Variants in NDC1 observed in about 807,000 individuals in gnomAD.
NDC1 encodes the protein NDC1 transmembrane nucleoporin, also known as nucleoporin NDC1.
NDC1 carries 24 observed loss-of-function variants against 89.8 expected under a neutral mutation model. The ratio of observed to expected loss-of-function variants is 0.27; its 90% CI spans 0.19 to 0.38. The LOEUF is 0.38. Among genes scored for constraint, NDC1 ranks in the 10% least tolerant of loss-of-function variants. The pLI, the probability that NDC1 is intolerant of heterozygous loss-of-function variation, is 1.00. For missense variants in NDC1, 728 were observed against 797.6 expected, an observed-to-expected ratio of 0.91 and a Z score of 1.05; for synonymous variants, 296 against 284.8, an observed-to-expected ratio of 1.04 and a Z score of -0.39.
intron 4 of NDC1, among the ~76,000 whole-genome samples, chr1:53,827,428 A>G (rs972687363): frequency 1.3e-5 from 2 of 152,206 alleles, no homozygotes; most frequent in Admixed American, 6.5e-5. Flanking sequence ...GGCACATGCC[A>G]CCACTCCTGG....
intron 4 of NDC1, among the ~76,000 whole-genome samples, chr1:53,827,518 A>G (rs1318223928): frequency 1.3e-5 from 2 of 152,232 alleles, no homozygotes; most frequent in Non-Finnish European, 2.9e-5. Flanking sequence ...CAAGAACTAT[A>G]CAAGTTTCAA....
chr1:53,825,292 A>G (rs543574820), intron 5 of NDC1, among the ~76,000 whole-genome samples: 1 of 152,130 alleles, frequency 6.6e-6, no homozygotes, highest in Non-Finnish European at 1.5e-5. Flanking sequence ...CCTGGCCAAT[A>G]TGGTGAAACC....
intron 6 of NDC1, among the ~76,000 whole-genome samples, chr1:53,810,722 T>C (rs918540237): frequency 2.0e-5 from 3 of 152,074 alleles, no homozygotes; most frequent in East Asian, 1.9e-4. Flanking sequence ...CTGGGCAACA[T>C]AGCAAGACCC....
chr1:53,779,280 C>T (rs779268143), intron 16 of NDC1, among the ~76,000 whole-genome samples: 1 of 152,040 alleles, frequency 6.6e-6, no homozygotes, highest in Non-Finnish European at 1.5e-5. Flanking sequence ...AGGTAGCTAG[C>T]TACCATTATC....
chr1:53,789,107 A>G (rs1647402073), intron 15 of NDC1, 26 bp downstream of exon 15: 1 of 1,446,940 alleles, frequency 6.9e-7, no homozygotes, highest in Admixed American at 1.8e-5. Flanking sequence ...TTAAAATCAT[A>G]GTTACAGTTC....
At chr1:53,836,504 G>C (rs541840883) in intron 1 of NDC1, among the ~76,000 whole-genome samples, 1 of 143,992 alleles carries the variant, frequency 6.9e-6, no homozygotes, top group East Asian at 2.1e-4. Flanking sequence ...CATTCTTTTT[G>C]ATGTTGTGAT....
intron 6 of NDC1, among the ~76,000 whole-genome samples, chr1:53,812,127 T>C (rs912548697): frequency 2.6e-5 from 4 of 152,152 alleles, no homozygotes; most frequent in Non-Finnish European, 4.4e-5. Context: ...GCCCTAGACC[T>C]TCCCTCTGAC....
intron 16 of NDC1, among the ~76,000 whole-genome samples, chr1:53,783,835 C>T (rs374312525): frequency 4.6e-5 from 7 of 152,214 alleles, no homozygotes; most frequent in African/African-American, 1.2e-4. Flanking sequence ...GCCTCTAGGA[C>T]CACGAGCCAA....
intron 2 of NDC1, 78 bp downstream of exon 2, chr1:53,835,422 A>C: frequency 3.3e-6 from 4 of 1,222,106 alleles, no homozygotes; most frequent in Non-Finnish European, 4.6e-6. Flanking sequence ...ATTGAAAATA[A>C]ACTGCTTGAA....
chr1:53,827,306 C>T (rs1198466899), intron 4 of NDC1, among the ~76,000 whole-genome samples: 1 of 151,752 alleles, frequency 6.6e-6, no homozygotes, highest in Non-Finnish European at 1.5e-5. Context: ...CACTATGCTG[C>T]CCAGGCTGGA....
At chr1:53,789,015 A>C (rs1647398851) in intron 15 of NDC1, 118 bp downstream of exon 15, 1 of 677,434 alleles carries the variant, frequency 1.5e-6, no homozygotes, top group African/African-American at 1.9e-5. Flanking sequence ...AAAGATATAA[A>C]AACGAATCTG....
chr1:53,796,078 T>C (rs1647687063), intron 13 of NDC1, among the ~76,000 whole-genome samples: 1 of 152,208 alleles, frequency 6.6e-6, no homozygotes, highest in African/African-American at 2.4e-5. Flanking sequence ...AGGTCTCTGA[T>C]CAATCATTGC....
At chr1:53,825,993 T>A in intron 4 of NDC1, 57 bp from the exon 5 acceptor site, 1 of 1,548,140 alleles carries the variant, frequency 6.5e-7, no homozygotes. Flanking sequence ...ATCACTGTTT[T>A]AGGCTCAATG....
intron 16 of NDC1, among the ~76,000 whole-genome samples, chr1:53,785,010 C>T (rs1647270734): frequency 1.3e-5 from 2 of 151,608 alleles, no homozygotes; most frequent in African/African-American, 4.8e-5. Context: ...TTTCCAGGGT[C>T]TACTGCACTG....
intron 6 of NDC1, among the ~76,000 whole-genome samples, chr1:53,815,513 G>A (rs951990173): frequency 2.0e-5 from 3 of 152,152 alleles, no homozygotes; most frequent in African/African-American, 4.8e-5. Context: ...ATGGGGAAGA[G>A]CTGAAAGCAT....
At chr1:53,798,404 T>C (rs1006282607) in intron 11 of NDC1, among the ~76,000 whole-genome samples, 5 of 151,558 alleles carry the variant, frequency 3.3e-5, no homozygotes, top group African/African-American at 1.2e-4. Flanking sequence ...CCTGACCTCA[T>C]GATCCGCCCA....
intron 5 of NDC1, among the ~76,000 whole-genome samples, chr1:53,823,272 C>A (rs1648735336): frequency 6.6e-6 from 1 of 152,200 alleles, no homozygotes; most frequent in Non-Finnish European, 1.5e-5. Flanking sequence ...TACCACTATA[C>A]ACTCATGGCT....
chr1:53,781,888 C>T (rs1345913510), intron 16 of NDC1, among the ~76,000 whole-genome samples: 3 of 152,024 alleles, frequency 2.0e-5, no homozygotes, highest in Admixed American at 6.6e-5. Flanking sequence ...CAGAAGTCTT[C>T]GTCCACTGAA....
chr1:53,800,776 A>T lies in NDC1; in HGVS notation c.1139T>A (p.Leu380Gln), dbSNP rs1647884421. The T allele has an allele frequency of 6.2e-7, 1 of 1,613,892 alleles. No individual in the cohort carries two copies. The highest frequency in any genetic ancestry group is 8.5e-7 in the Non-Finnish European group (1 of 1,179,860). ...AGCAGCAGCTTCTTGATAGAGAATC[A>T]GTTTCTGAGTCATACCATTTAAAAG... ...LNLLNGMTQK[L>Q]ILYQEAAATN... The change falls in exon 11 of 18, where the codon CTG (leucine) becomes CAG (glutamine). Residue 380 changes from leucine (L) to glutamine (Q), a missense_variant. Physicochemically the swap from Leu to Gln is moderately radical, Grantham distance 113 (BLOSUM62 -2). Coordinates refer to ENST00000371429, the MANE Select transcript of NDC1 (RefSeq NM_018087.5).
Sources: gnomAD v4.1 joint callset for allele counts (sites outside exome capture counted in the v4.1 genomes callset) on GRCh38, gnomAD v4.1.1 for gene constraint, MANE v1.5 for transcripts, NCBI Gene and HGNC (gene_info 2026-07-23, HGNC 2026-07-21) for gene names.